MYO1G: variants seen among roughly 807,000 people sequenced by gnomAD.
The protein encoded by MYO1G is myosin IG, also known as unconventional myosin-Ig.
Under a neutral mutation model 115.3 loss-of-function variants are expected in MYO1G, and 65 were observed. That is an observed-to-expected ratio of 0.56 (90% confidence interval 0.46 to 0.69). The LOEUF is 0.69. MYO1G is among the 30% of genes least tolerant of loss of function. The pLI is 0.00. For missense variants in MYO1G, 1,204 were observed against 1,393.5 expected (o/e 0.86, Z 2.16); for synonymous variants, 510 against 552.6 (o/e 0.92, Z 1.08).
rs769149316 is a variant in MYO1G, at chr7:44,967,575, C to G, written c.1782+30G>C. The G allele has an allele frequency of 2.5e-6, 4 of 1,613,036 alleles. No homozygotes were observed. In the Admixed American group the frequency reaches 5.0e-5, roughly 20 times the overall value. On this transcript the variant is annotated intron_variant, in intron 14 of 21. Transcript: ENST00000258787. ...AGGGCACAGAGAGAAGGATCCGGAACAGCCAGAGTGGGAGAGGGGTGGAAC... is the reference window on the plus strand; with the variant it reads ...AGGGCACAGAGAGAAGGATCCGGAAGAGCCAGAGTGGGAGAGGGGTGGAAC...
At chr7:44,971,902 C>T (rs1320098508) in intron 6 of MYO1G, 113 bp from the exon 7 acceptor site, 3 of 821,724 alleles carry the variant, frequency 3.7e-6, no homozygotes, top group Admixed American at 2.2e-5. Flanking sequence ...CCCCTGTCCC[C>T]TTCCTGAACC....
rs532291603 is a variant in MYO1G at position 44,975,049 on chromosome 7, A to T, written c.618+125T>A. On this transcript the variant is annotated intron_variant, in intron 5 of 21. Coordinates refer to ENST00000258787, the MANE Select transcript of MYO1G (RefSeq NM_033054.3). Reference sequence around the variant, plus strand: ...TGGTGGGGAGTGAGGACGATGGGCTAGGTGGGGTTGAGTGGGCAGAGAGGG... The same window carrying T: ...TGGTGGGGAGTGAGGACGATGGGCTTGGTGGGGTTGAGTGGGCAGAGAGGG... The T allele has an allele frequency of 1.5e-4, 145 of 952,522 alleles. 3 individuals are homozygous for T. The South Asian group carries it at 1.8e-3, about 12-fold the overall frequency. 59.0% of individuals were successfully genotyped at this position (952,522 alleles called of 1,614,324 possible).
intron 4 of MYO1G, 120 bp from the exon 5 acceptor site, chr7:44,975,347 C>T (rs1795028978): frequency 1.3e-6 from 2 of 1,500,670 alleles, no homozygotes; most frequent in Non-Finnish European, 1.9e-6. Flanking sequence ...TATGAGGACA[C>T]TGAGGCCCAG....
At position 44,969,572 on chromosome 7, in the gene MYO1G, G is replaced by A; in HGVS notation, c.1504-89C>T. 1 of 1,579,368 alleles carries A rather than the reference G, an allele frequency of 6.3e-7. No individual in the cohort carries two copies. The highest frequency in any genetic ancestry group is 1.7e-4 in the Middle Eastern group (1 of 5,838). Reference sequence around the variant, plus strand: ...CCTGCCTCCCCACCTCCAGGGCAGAGAAGGTTGCCACAGTGACGACAATGG... The same window carrying A: ...CCTGCCTCCCCACCTCCAGGGCAGAAAAGGTTGCCACAGTGACGACAATGG... On this transcript the variant is annotated intron_variant, in intron 11 of 21. Coordinates refer to ENST00000258787, the MANE Select transcript of MYO1G (RefSeq NM_033054.3). This position sits in a 1 kb window ranked among gnomAD's most constrained non-coding sequence, Gnocchi z 5.0.
rs777829367 is a variant in MYO1G, at chr7:44,967,639, G to C, written c.1748C>G (p.Ser583Cys). 6.2e-7 allele frequency: 1 copy of C among 1,613,882 alleles called. No homozygotes were observed. Among genetic ancestry groups the C allele is most frequent in the Non-Finnish European group, 8.5e-7 (1 of 1,180,032 alleles). ...PLTAGTLFKN[S>C]MVALVENLAS... ...AAGGTTCTCCACCAGGGCCACCATGGAGTTCTTGAAGAGTGTGCCAGCCGT... is the reference window on the plus strand; with the variant it reads ...AAGGTTCTCCACCAGGGCCACCATGCAGTTCTTGAAGAGTGTGCCAGCCGT... The change falls in exon 14 of 22, where the codon TCC becomes TGC. Residue 583 changes from serine (S) to cysteine (C), a missense_variant. By Grantham distance (112) the Ser-to-Cys change is moderately radical. Transcript: ENST00000258787.
rs990059595 is a variant in MYO1G, at chr7:44,964,751, C to G, written c.2526+194G>C. On this transcript the variant is annotated intron_variant, in intron 18 of 21. Transcript: ENST00000258787. This position sits in a 1 kb window ranked among gnomAD's most constrained non-coding sequence, Gnocchi z 5.1. Reference sequence around the variant, plus strand: ...GCCCTCCTGTCATCCACACCCACCCCCGAAGGCCACTGCTCCTGAAGCCCA... The same window carrying G: ...GCCCTCCTGTCATCCACACCCACCCGCGAAGGCCACTGCTCCTGAAGCCCA... Among the ~76,000 whole-genome samples the G allele has an allele frequency of 2.0e-5, 3 of 152,200 alleles. No homozygotes were observed. The highest frequency in any genetic ancestry group is 4.4e-5 in the Non-Finnish European group (3 of 68,030).
intron 17 of MYO1G, 53 bp from the exon 18 acceptor site, chr7:44,965,142 C>A: frequency 6.4e-7 from 1 of 1,563,202 alleles, no homozygotes; most frequent in South Asian, 1.2e-5. Context: ...CATGTGCTCC[C>A]TGAGCCCCCT....
At chr7:44,975,787 G>T (rs1795038329) in intron 3 of MYO1G, 138 bp from the exon 4 acceptor site, 3 of 953,984 alleles carry the variant, frequency 3.1e-6, no homozygotes, top group Non-Finnish European at 4.5e-6. Context: ...GGAACCAATG[G>T]CCTGGCCTCG....
chr7:44,970,087 T>TCAGGATGAGCTGGATGA lies in MYO1G; in HGVS notation c.1268_1284dup (p.Lys429SerfsTer6). 6.2e-7 allele frequency: 1 copy of TCAGGATGAGCTGGATGA among 1,614,070 alleles called. No individual in the cohort carries two copies. Among genetic ancestry groups the TCAGGATGAGCTGGATGA allele is most frequent in the Non-Finnish European group, 8.5e-7 (1 of 1,180,004 alleles). ...CGCTCGTACTCTTCCTGTTCCTGCT[T>TCAGGATGAGCTGGATGA]CAGGATGAGCTGGATGAATAGCTGC... On this transcript the variant is annotated frameshift_variant, in exon 10 of 22. Transcript: ENST00000258787. LOFTEE classifies it high-confidence loss of function.
Position 44,976,601 on chromosome 7 carries a change from C to T in MYO1G, c.361G>A (p.Ala121Thr). ...ASKHIMQYIA[A>T]VTNPSQRAEV... ...GCCCTCTGGCTTGGATTGGTGACAGCAGCGATGTACTGCATGATGTGCTTA... is the reference window on the plus strand; with the variant it reads ...GCCCTCTGGCTTGGATTGGTGACAGTAGCGATGTACTGCATGATGTGCTTA... The change falls in exon 3 of 22, where the codon GCT becomes ACT. Residue 121 changes from alanine (A) to threonine (T), a missense_variant. Physicochemically the swap from Ala to Thr is moderately conservative, Grantham distance 58 (BLOSUM62 0). Transcript: ENST00000258787. The T allele has an allele frequency of 6.2e-7, 1 of 1,614,130 alleles. No individual in the cohort carries two copies. Among genetic ancestry groups the T allele is most frequent in the Non-Finnish European group, 8.5e-7 (1 of 1,180,022 alleles).
rs1213236080 is a variant in MYO1G at position 44,975,521 on chromosome 7, G to A, written c.527C>T (p.Pro176Leu). The change falls in exon 4 of 22, where the codon CCG (proline) becomes CTG (leucine). Residue 176 changes from proline (P) to leucine (L), a missense_variant. Coordinates refer to ENST00000258787, the MANE Select transcript of MYO1G (RefSeq NM_033054.3). ...GTAGCTGTGGATGTGTCCTCCGATCGGGTCCCCCTTGAAGTCAAAGTTGAT... is the reference window on the plus strand; with the variant it reads ...GTAGCTGTGGATGTGTCCTCCGATCAGGTCCCCCTTGAAGTCAAAGTTGAT... The part of the protein sequence containing the change: ...MDINFDFKGD[P>L]IGGHIHSYLL... The A allele has an allele frequency of 1.3e-5, 21 of 1,613,674 alleles. No homozygotes were observed. The highest frequency in any genetic ancestry group is 1.7e-5 in the Non-Finnish European group (20 of 1,179,778).
rs1387061985 is a variant in MYO1G at position 44,972,241 on chromosome 7, A to G, written c.619-16T>C. 2.5e-6 allele frequency: 4 copies of G among 1,595,288 alleles called. No homozygotes were observed. Among genetic ancestry groups the G allele is most frequent in the African/African-American group, 1.3e-5 (1 of 74,626 alleles). On this transcript the variant is annotated splice_polypyrimidine_tract_variant and intron_variant, in intron 5 of 21. Transcript: ENST00000258787. The stretch of plus-strand genomic sequence containing the variant: ...CTCTCAGCAACTAGAGGACACAGGC[A>G]TCCTTTAGACAAATAAGCTCCCAGG...
In MYO1G at chr7:44,970,608, C is replaced by T; in HGVS notation, c.1201G>A (p.Val401Met). Residue 401 changes from valine (V) to methionine (M), a missense_variant, in exon 9 of 22, where the codon GTG becomes ATG. Coordinates refer to ENST00000258787, the MANE Select transcript of MYO1G (RefSeq NM_033054.3). The stretch of plus-strand genomic sequence containing the variant: ...GCCACCCACCTGTTGACGGGAAACA[C>T]CTCGAAGCCATAGATGTCCAGCACG... Reference protein sequence around the residue: ...IGVLDIYGFEVFPVNSFEQFC... With the variant: ...IGVLDIYGFEMFPVNSFEQFC... The T allele has an allele frequency of 1.2e-6, 2 of 1,613,462 alleles. No individual in the cohort carries two copies. Among genetic ancestry groups the T allele is most frequent in the Non-Finnish European group, 1.7e-6 (2 of 1,180,026 alleles).
rs1188887943 is a variant in MYO1G at position 44,969,264 on chromosome 7, G to A, written c.1574+149C>T. On this transcript the variant is annotated intron_variant, in intron 12 of 21. Transcript: ENST00000258787. This position sits in a 1 kb window ranked among gnomAD's most constrained non-coding sequence, Gnocchi z 5.0. ...CTCTTCACTTGTGAATCTGCTGTCC[G>A]GCATGTTTCAGTGTCTTAAAGGGGT... is the stretch of plus-strand genomic sequence containing the variant. The A allele has an allele frequency of 4.1e-6, 3 of 729,590 alleles. No homozygotes were observed. The highest frequency in any genetic ancestry group is 1.9e-5 in the Admixed American group (1 of 53,298). 45.2% of individuals were successfully genotyped at this position (729,590 alleles called of 1,614,324 possible).
Position 44,965,682 on chromosome 7 carries a change from G to A in MYO1G, c.2336C>T (p.Ala779Val), listed in dbSNP as rs1318844733. 2 of 1,613,354 alleles carry A rather than the reference G, an allele frequency of 1.2e-6. No homozygotes were observed. The highest frequency in any genetic ancestry group is 4.5e-5 in the East Asian group (2 of 44,892). ...GGTGTCCTGGAAGGGCTGCAGCACA[G>A]CAGGGGGCAGCGGCCACACAAGGTC... ...GRDLVWPLPP[A>V]VLQPFQDTCH... The change falls in exon 17 of 22, where the codon GCT becomes GTT. Residue 779 changes from alanine to valine, a missense_variant. Physicochemically the swap from Ala to Val is moderately conservative, Grantham distance 64. Coordinates refer to ENST00000258787, the MANE Select transcript of MYO1G (RefSeq NM_033054.3).
At chr7:44,967,473 G>T in intron 14 of MYO1G, 132 bp downstream of exon 14, 1 of 1,216,492 alleles carries the variant, frequency 8.2e-7, no homozygotes, top group Non-Finnish European at 1.2e-6. Flanking sequence ...GAGCAGATGT[G>T]GCTCATACAG....
At position 44,969,526 on chromosome 7, in the gene MYO1G, G is replaced by A. The variant is rs1794912489; in HGVS notation, c.1504-43C>T. 4 of 1,607,786 alleles carry A rather than the reference G, an allele frequency of 2.5e-6. No homozygotes were observed. Among genetic ancestry groups the A allele is most frequent in the South Asian group, 1.1e-5 (1 of 90,938 alleles). ...GGTCAAGGCACAAAAGGTATGTGGA[G>A]GGTCTGTATGAAGGGATAGCCCTGC... On this transcript the variant is annotated intron_variant, in intron 11 of 21. Coordinates refer to ENST00000258787, the MANE Select transcript of MYO1G (RefSeq NM_033054.3). The surrounding 1 kb of genome is among the most constrained non-coding windows in gnomAD (Gnocchi z 5.0).
At position 44,969,501 on chromosome 7, in the gene MYO1G, G is replaced by T. The variant is rs747711493; in HGVS notation, c.1504-18C>A. The T allele has an allele frequency of 1.2e-6, 2 of 1,613,650 alleles. No homozygotes were observed. Among genetic ancestry groups the T allele is most frequent in the Non-Finnish European group, 1.7e-6 (2 of 1,179,850 alleles). ...GGGCAGAGCTATGGGGACAGGCTGA[G>T]GTCAAGGCACAAAAGGTATGTGGAG... On this transcript the variant is annotated intron_variant, in intron 11 of 21. Transcript: ENST00000258787. This position sits in a 1 kb window ranked among gnomAD's most constrained non-coding sequence, Gnocchi z 5.0.
In MYO1G at chr7:44,963,282, T is replaced by G; in HGVS notation, c.2746-158A>C. The stretch of plus-strand genomic sequence containing the variant: ...CAGCCCCCCACCGCCCCCTCCTCCC[T>G]CTCGGGGCCCTGCTGACAGGGGGAA... On this transcript the variant is annotated intron_variant, in intron 20 of 21. Coordinates refer to ENST00000258787, the MANE Select transcript of MYO1G (RefSeq NM_033054.3). This position sits in a 1 kb window ranked among gnomAD's most constrained non-coding sequence, Gnocchi z 4.1. 1.3e-6 allele frequency: 1 copy of G among 779,368 alleles called. No individual in the cohort carries two copies. 48.3% of individuals were successfully genotyped at this position (779,368 alleles called of 1,614,324 possible). A position where few individuals can be genotyped will look rare whatever the true frequency, so the allele number is the denominator to read the frequency against.
Sources: gnomAD v4.1 joint callset for allele counts (sites outside exome capture counted in the v4.1 genomes callset) on GRCh38, gnomAD v4.1.1 for gene constraint, Gnocchi (gnomAD v3.1) non-coding constraint, MANE v1.5 for transcripts, NCBI Gene and HGNC (gene_info 2026-07-23, HGNC 2026-07-21) for gene names.